Variants in LRRIQ3 observed in about 807,000 individuals in gnomAD.
The protein encoded by LRRIQ3 is leucine rich repeats and IQ motif containing 3.
A neutral mutation model predicts 59.3 loss-of-function variants in LRRIQ3; 75 were observed. That is an observed-to-expected ratio of 1.26 (90% CI 1.05 to 1.53). The LOEUF (loss-of-function observed/expected upper bound fraction) is 1.53. Among genes scored for constraint, LRRIQ3 ranks in the 40% most tolerant of loss-of-function variants. LRRIQ3 has a pLI of 0.00. For synonymous variants in LRRIQ3, 250 were observed against 231.3 expected (o/e 1.08, Z -0.73); for missense variants, 831 against 710.0 (o/e 1.17, Z -1.94).
At chr1:74,127,781 T>C (rs917738978) in intron 4 of LRRIQ3, among the ~76,000 whole-genome samples, 1 of 151,998 alleles carries the variant, frequency 6.6e-6, no homozygotes, top group Non-Finnish European at 1.5e-5. Context: ...GTTAAAATAT[T>C]CTGTGTTTTT....
chr1:74,126,773 G>A (rs1646941632), intron 4 of LRRIQ3, among the ~76,000 whole-genome samples: 2 of 151,770 alleles, frequency 1.3e-5, no homozygotes, highest in African/African-American at 4.8e-5. Context: ...CTAATATATG[G>A]TCTATCCCTG....
intron 6 of LRRIQ3, among the ~76,000 whole-genome samples, chr1:74,073,769 AAG>A (rs2100477492): frequency 6.6e-6 from 1 of 152,292 alleles, no homozygotes; most frequent in African/African-American, 2.4e-5. Flanking sequence ...GGGATTAAAA[AAG>A]AAAGATTTGA....
intron 7 of LRRIQ3, among the ~76,000 whole-genome samples, chr1:74,030,829 A>T (rs1379094675): frequency 6.6e-6 from 1 of 152,200 alleles, no homozygotes; most frequent in Non-Finnish European, 1.5e-5. Context: ...CAGACAACCT[A>T]CAGAATGTGA....
At chr1:74,181,005 G>A in intron 3 of LRRIQ3, 1 of 513,978 alleles carries the variant, frequency 1.9e-6, no homozygotes, top group Non-Finnish European at 3.4e-6. Context: ...CTTTCCCTTG[G>A]ACTTAATGAG....
intron 4 of LRRIQ3, among the ~76,000 whole-genome samples, chr1:74,148,771 AC>A (rs1396470228): frequency 6.6e-6 from 1 of 152,228 alleles, no homozygotes; most frequent in Non-Finnish European, 1.5e-5. Flanking sequence ...ACATAACATG[AC>A]CATGCGAGTA....
chr1:74,087,209 C>T (rs1646335615), intron 5 of LRRIQ3, among the ~76,000 whole-genome samples: 1 of 151,812 alleles, frequency 6.6e-6, no homozygotes. Flanking sequence ...ATTAACAGCC[C>T]TATCCACTTG....
At chr1:74,071,764 A>G (rs1164976663) in intron 6 of LRRIQ3, among the ~76,000 whole-genome samples, 1 of 152,186 alleles carries the variant, frequency 6.6e-6, no homozygotes, top group African/African-American at 2.4e-5. Flanking sequence ...TTCAAGACTG[A>G]AAGGCACTGT....
chr1:74,166,550 C>T (rs1213171237), intron 3 of LRRIQ3, among the ~76,000 whole-genome samples: 2 of 151,656 alleles, frequency 1.3e-5, no homozygotes, highest in East Asian at 1.9e-4. Flanking sequence ...CTAATATTCA[C>T]TCCTTATCAT....
chr1:74,096,563 C>T (rs561967026), intron 5 of LRRIQ3, among the ~76,000 whole-genome samples: 8 of 152,242 alleles, frequency 5.3e-5, no homozygotes, highest in African/African-American at 7.2e-5. Context: ...AAGTCATTCT[C>T]GGTCCAGCTT....
chr1:74,180,908 C>A, intron 3 of LRRIQ3: 1 of 914,404 alleles, frequency 1.1e-6, no homozygotes, highest in Non-Finnish European at 1.6e-6. Context: ...TAATGCCTTA[C>A]TTTCTTTTCT....
At chr1:74,085,063 T>G (rs1433163715) in intron 5 of LRRIQ3, among the ~76,000 whole-genome samples, 2 of 151,818 alleles carry the variant, frequency 1.3e-5, no homozygotes, top group African/African-American at 4.8e-5. Flanking sequence ...TTTCTTTCAA[T>G]GATTCCCTTC....
intron 4 of LRRIQ3, among the ~76,000 whole-genome samples, chr1:74,117,609 T>C (rs994416927): frequency 1.3e-5 from 2 of 152,030 alleles, no homozygotes; most frequent in Non-Finnish European, 2.9e-5. Flanking sequence ...CTAGTAATAC[T>C]ACACAAATTA....
At chr1:74,175,367 C>G (rs568948008) in intron 3 of LRRIQ3, among the ~76,000 whole-genome samples, 1 of 152,052 alleles carries the variant, frequency 6.6e-6, no homozygotes, top group Non-Finnish European at 1.5e-5. Flanking sequence ...CTAGTTGTCC[C>G]GTGATGATTT....
intron 7 of LRRIQ3, among the ~76,000 whole-genome samples, chr1:74,028,436 C>T (rs967642338): frequency 6.6e-6 from 1 of 151,850 alleles, no homozygotes; most frequent in Non-Finnish European, 1.5e-5. Context: ...TAGGTGAATG[C>T]CTAATATTAA....
chr1:74,078,754 T>C (rs1646237601), intron 5 of LRRIQ3: 1 of 151,766 alleles, frequency 6.6e-6, no homozygotes, highest in African/African-American at 2.4e-5. Flanking sequence ...ACCTACTGAA[T>C]TATTGTGAAC....
chr1:74,130,444 A>C (rs144305349), intron 4 of LRRIQ3, among the ~76,000 whole-genome samples: 2 of 152,246 alleles, frequency 1.3e-5, no homozygotes, highest in African/African-American at 4.8e-5. Context: ...TCCCAAGTGC[A>C]GATTCTCTTT....
intron 4 of LRRIQ3, among the ~76,000 whole-genome samples, chr1:74,143,265 T>C (rs1382374273): frequency 6.6e-6 from 1 of 152,040 alleles, no homozygotes; most frequent in Non-Finnish European, 1.5e-5. Context: ...GTTTACCCAG[T>C]CATAAAATGT....
intron 4 of LRRIQ3, among the ~76,000 whole-genome samples, chr1:74,109,855 T>A (rs1359108697): frequency 6.6e-6 from 1 of 151,680 alleles, no homozygotes; most frequent in Non-Finnish European, 1.5e-5. Flanking sequence ...CTAAATTATC[T>A]ATAGAAACAT....
At chr1:74,163,528 A>G (rs1051524348) in intron 3 of LRRIQ3, among the ~76,000 whole-genome samples, 111 of 151,752 alleles carry the variant, frequency 7.3e-4, no homozygotes, top group Non-Finnish European at 1.2e-3. Context: ...TGTTGAAATA[A>G]TTTTATATAA....
Sources: gnomAD v4.1 joint callset for allele counts (sites outside exome capture counted in the v4.1 genomes callset) on GRCh38, gnomAD v4.1.1 for gene constraint, MANE v1.5 for transcripts, NCBI Gene and HGNC (gene_info 2026-07-23, HGNC 2026-07-21) for gene names.